The following FRMD4B variants were observed in gnomAD, a reference collection of about 807,000 sequenced individuals.
FRMD4B encodes the protein FERM domain containing 4B, also known as FERM domain-containing protein 4B.
In FRMD4B, 74 loss-of-function variants were observed where a neutral mutation model predicts 141.5. The observed-to-expected ratio is 0.52, with a 90% confidence interval of 0.43 to 0.63. The LOEUF is 0.63. FRMD4B is among the 30% of genes least tolerant of loss of function. FRMD4B has a pLI of 0.00. For missense variants in FRMD4B, 1,366 were observed against 1,253.4 expected (o/e 1.09, Z -1.36); for synonymous variants, 506 against 467.9 (o/e 1.08, Z -1.05).
intron 18 of FRMD4B, among the ~76,000 whole-genome samples, chr3:69,189,222 CAAAA>C (rs71115659): frequency 7.5e-5 from 3 of 39,772 alleles, no homozygotes; most frequent in Non-Finnish European, 9.2e-5. Context: ...AACTCCATCT[CAAAA>C]AAAAAAAAAA....
intron 1 of FRMD4B, among the ~76,000 whole-genome samples, chr3:69,501,195 C>T (rs1466161810): frequency 6.6e-6 from 1 of 150,696 alleles, no homozygotes; most frequent in African/African-American, 2.4e-5. Flanking sequence ...TGTAAACTTT[C>T]CTAAAACACT....
At chr3:69,226,996 C>A (rs1384156114) in intron 7 of FRMD4B, among the ~76,000 whole-genome samples, 1 of 152,140 alleles carries the variant, frequency 6.6e-6, no homozygotes, top group Admixed American at 6.5e-5. Flanking sequence ...TAAACTCAAG[C>A]AATCTTTATA....
rs1476139402 is a variant in FRMD4B at position 69,168,812 on chromosome 3, G to A, written c.*3049C>T. 6.6e-6 allele frequency among the ~76,000 whole-genome samples: 1 copy of A among 152,004 alleles called. No homozygotes were observed. The highest frequency in any genetic ancestry group is 6.6e-5 in the Admixed American group (1 of 15,258). ...AACAATTCCGGAATCTTTATTTCTT[G>A]TAATATTTAAGCTTTTGTGAGTACA... is the stretch of plus-strand genomic sequence containing the variant. On this transcript the variant is annotated 3_prime_UTR_variant, in exon 23 of 23. Coordinates refer to ENST00000398540, the MANE Select transcript of FRMD4B (RefSeq NM_015123.3).
intron 5 of FRMD4B, among the ~76,000 whole-genome samples, chr3:69,274,234 T>C (rs558523549): frequency 6.6e-6 from 1 of 152,282 alleles, no homozygotes; most frequent in South Asian, 2.1e-4. Flanking sequence ...AAATGGAGTC[T>C]GTCAGACACT....
At chr3:69,276,019 A>G (rs1378326457) in intron 5 of FRMD4B, among the ~76,000 whole-genome samples, 8 of 152,178 alleles carry the variant, frequency 5.3e-5, no homozygotes, top group Non-Finnish European at 1.0e-4. Flanking sequence ...TTAACATTTA[A>G]CAACATTAGA....
chr3:69,517,155 T>C (rs1300395531), intron 1 of FRMD4B, among the ~76,000 whole-genome samples: 8 of 152,218 alleles, frequency 5.3e-5, no homozygotes, highest in South Asian at 2.1e-4. Context: ...CTGATACTAA[T>C]GCTACTTTCT....
At chr3:69,540,656 T>TACACACAC (rs1157143009) in intron 1 of FRMD4B, among the ~76,000 whole-genome samples, 38 of 75,542 alleles carry the variant, frequency 5.0e-4, no homozygotes, top group African/African-American at 2.5e-3. Flanking sequence ...TATATATATA[T>TACACACAC]ATATACACAC....
chr3:69,457,308 G>A (rs948856710), intron 1 of FRMD4B, among the ~76,000 whole-genome samples: 5 of 152,162 alleles, frequency 3.3e-5, no homozygotes, highest in African/African-American at 1.2e-4. Context: ...GGCTGTATCT[G>A]GGTAAGGGAA....
intron 1 of FRMD4B, among the ~76,000 whole-genome samples, chr3:69,344,966 C>T (rs147544904): frequency 4.7e-4 from 71 of 152,200 alleles, no homozygotes; most frequent in African/African-American, 1.5e-3. Flanking sequence ...GTTCATCTCA[C>T]TGGGGCTTGT....
In FRMD4B at chr3:69,263,088, G is replaced by A. The variant is rs145822879; in HGVS notation, c.502-12989C>T. ...GGCCTGACCAATATGGTGAAACCCC[G>A]TCTCTACTAAAAATACAAATTAGCC... On this transcript the variant is annotated intron_variant, in intron 5 of 22. Coordinates refer to ENST00000398540, the MANE Select transcript of FRMD4B (RefSeq NM_015123.3). Among the ~76,000 whole-genome samples, 146 of 151,964 alleles carry A rather than the reference G, an allele frequency of 9.6e-4. 1 individual carries two copies. The highest frequency in any genetic ancestry group is 2.8e-3 in the African/African-American group (116 of 41,494).
chr3:69,439,359 G>T (rs1475329423), intron 1 of FRMD4B, among the ~76,000 whole-genome samples: 1 of 152,134 alleles, frequency 6.6e-6, no homozygotes, highest in Non-Finnish European at 1.5e-5. Context: ...GTTGTGAGAG[G>T]TGTTTGGGGC....
In FRMD4B at chr3:69,224,641, T is replaced by C. The variant is rs559828553; in HGVS notation, c.631A>G (p.Lys211Glu). 3 of 1,588,242 alleles carry C rather than the reference T, an allele frequency of 1.9e-6. No individual in the cohort carries two copies. Among genetic ancestry groups the C allele is most frequent in the South Asian group, 1.1e-5 (1 of 87,914 alleles). Residue 211 changes from lysine to glutamate, a missense_variant, in exon 8 of 23, where the codon AAA becomes GAA. By Grantham distance (56) the Lys-to-Glu change is moderately conservative. Transcript: ENST00000398540. ...DLKTLPAFPT[K>E]TLQEHPSLAY... is the part of the protein sequence containing the mutation. Reference sequence around the variant, plus strand: ...AGGGATGGATGCTCCTGAAGAGTTTTGGTTGGAAAGGCTGGTAATGTCTTT... The same window carrying C: ...AGGGATGGATGCTCCTGAAGAGTTTCGGTTGGAAAGGCTGGTAATGTCTTT...
intron 1 of FRMD4B, among the ~76,000 whole-genome samples, chr3:69,476,444 CA>C (rs1307135538): frequency 2.6e-5 from 4 of 152,154 alleles, no homozygotes; most frequent in African/African-American, 9.7e-5. Context: ...TTCCCAGCAC[CA>C]TTTATTAAAT....
At chr3:69,446,060 C>T (rs1364787579) in intron 1 of FRMD4B, among the ~76,000 whole-genome samples, 1 of 152,098 alleles carries the variant, frequency 6.6e-6, no homozygotes, top group Non-Finnish European at 1.5e-5. Context: ...TGGAGTCTGA[C>T]TTTGTCACCC....
intron 2 of FRMD4B, among the ~76,000 whole-genome samples, chr3:69,394,083 A>C (rs1207564756): frequency 6.6e-6 from 1 of 152,224 alleles, no homozygotes; most frequent in Non-Finnish European, 1.5e-5. Flanking sequence ...GTCCCACAGG[A>C]CTGAGTGGCC....
At chr3:69,420,623 C>T (rs1348479501) in intron 2 of FRMD4B, among the ~76,000 whole-genome samples, 1 of 152,130 alleles carries the variant, frequency 6.6e-6, no homozygotes, top group Non-Finnish European at 1.5e-5. Flanking sequence ...GGTTGGTAAA[C>T]AAGATTATCC....
At chr3:69,536,547 G>C (rs1701088683) in intron 1 of FRMD4B, 2 of 703,488 alleles carry the variant, frequency 2.8e-6, no homozygotes, top group Non-Finnish European at 5.3e-6. Context: ...TGGGGAATAG[G>C]GGGGATGGTG....
chr3:69,172,159 T>C (rs1207753095), intron 22 of FRMD4B, among the ~76,000 whole-genome samples, 178 bp from the exon 23 acceptor site: 4 of 152,230 alleles, frequency 2.6e-5, no homozygotes, highest in Admixed American at 6.5e-5. Context: ...TACTGGAGCA[T>C]TGTTTAACAG....
intron 14 of FRMD4B, 138 bp downstream of exon 14, chr3:69,196,117 G>A (rs1334609812): frequency 4.6e-6 from 3 of 652,166 alleles, no homozygotes; most frequent in Non-Finnish European, 5.2e-6. Context: ...TTTATTCAAA[G>A]CTGTCGCATA....
Sources: gnomAD v4.1 joint callset for allele counts (sites outside exome capture counted in the v4.1 genomes callset) on GRCh38, gnomAD v4.1.1 for gene constraint, MANE v1.5 for transcripts, NCBI Gene and HGNC (gene_info 2026-07-23, HGNC 2026-07-21) for gene names.